Variants in RASSF3 observed in about 807,000 individuals in gnomAD.
RASSF3 encodes the protein Ras association domain family member 3.
A neutral mutation model predicts 19.9 loss-of-function variants in RASSF3; 19 were observed. The ratio of observed to expected loss-of-function variants is 0.96; its 90% confidence interval spans 0.67 to 1.40. The LOEUF is 1.40. Ranked by LOEUF, RASSF3 falls within the 40% of genes most tolerant of loss-of-function variation. The pLI is 0.00. For synonymous variants in RASSF3, 110 were observed against 104.2 expected (o/e 1.06, Z -0.34); for missense variants, 306 against 289.8 (o/e 1.06, Z -0.41).
chr12:64,573,089 G>A (rs918830661), intron 2 of RASSF3, among the ~76,000 whole-genome samples: 7 of 152,152 alleles, frequency 4.6e-5, no homozygotes, highest in African/African-American at 1.7e-4. Context: ...ATGGTGGCTC[G>A]TGCCTGTAAT....
intron 1 of RASSF3, among the ~76,000 whole-genome samples, chr12:64,629,516 T>C (rs1871100829): frequency 6.6e-6 from 1 of 152,218 alleles, no homozygotes; most frequent in African/African-American, 2.4e-5. Context: ...CTCCTGCCCT[T>C]TTCATTAAAC....
intron 2 of RASSF3, among the ~76,000 whole-genome samples, chr12:64,565,271 T>C (rs2136127396): frequency 6.6e-6 from 1 of 151,948 alleles, no homozygotes; most frequent in African/African-American, 2.4e-5. Context: ...CACCAATTAC[T>C]GATACCTAAA....
At chr12:64,614,656 G>A (rs927325026) in intron 1 of RASSF3, among the ~76,000 whole-genome samples, 4 of 151,246 alleles carry the variant, frequency 2.6e-5, no homozygotes, top group Non-Finnish European at 4.4e-5. Flanking sequence ...TTGCAAATAA[G>A]GACACCTAAA....
intron 2 of RASSF3, among the ~76,000 whole-genome samples, chr12:64,580,952 A>T (rs1201936643): frequency 1.3e-5 from 2 of 152,084 alleles, no homozygotes; most frequent in Non-Finnish European, 2.9e-5. Flanking sequence ...TTAAGACTTC[A>T]TATCTTTTGG....
upstream of RASSF3, among the ~76,000 whole-genome samples, chr12:64,605,852 C>T (rs60878922): frequency 1.0e-2 from 1,417 of 142,056 alleles, 31 homozygotes; most frequent in African/African-American, 0.036. Context: ...TGCACCATTG[C>T]ACTCCAGCCT....
chr12:64,551,575 C>G (rs546558266), intron 2 of RASSF3, among the ~76,000 whole-genome samples: 1 of 151,976 alleles, frequency 6.6e-6, no homozygotes, highest in African/African-American at 2.4e-5. Flanking sequence ...GACCCTGTCT[C>G]AAAAATAATA....
chr12:64,674,798 AAGTGGTGCTCTT>A (rs1872822698), intron 1 of RASSF3, among the ~76,000 whole-genome samples: 3 of 152,000 alleles, frequency 2.0e-5, no homozygotes, highest in African/African-American at 7.3e-5. Context: ...GATGGGGTGC[AAGTGGTGCTCTT>A]AGCTTGTGCT....
intron 1 of RASSF3, among the ~76,000 whole-genome samples, chr12:64,648,774 C>G (rs975678643): frequency 1.3e-5 from 2 of 150,616 alleles, no homozygotes; most frequent in African/African-American, 2.5e-5. Flanking sequence ...AGCCACCAAG[C>G]CCGGCCAAGC....
chr12:64,566,303 G>A (rs1050588208), intron 2 of RASSF3, among the ~76,000 whole-genome samples: 4 of 152,178 alleles, frequency 2.6e-5, no homozygotes, highest in African/African-American at 7.2e-5. Flanking sequence ...ATTCACCAAG[G>A]AATGCAAACC....
At chr12:64,577,914 G>A (rs1592406294) in intron 2 of RASSF3, among the ~76,000 whole-genome samples, 1 of 151,632 alleles carries the variant, frequency 6.6e-6, no homozygotes, top group East Asian at 1.9e-4. Flanking sequence ...TTACAGTAGG[G>A]TAATGATAAA....
chr12:64,650,663 C>T (rs966509500), intron 1 of RASSF3, among the ~76,000 whole-genome samples: 5 of 152,038 alleles, frequency 3.3e-5, no homozygotes, highest in Non-Finnish European at 4.4e-5. Context: ...GATCTGCCCG[C>T]CTTGGACTTC....
At chr12:64,631,757 A>G (rs1340818479) in intron 1 of RASSF3, among the ~76,000 whole-genome samples, 7 of 151,896 alleles carry the variant, frequency 4.6e-5, no homozygotes, top group African/African-American at 1.7e-4. Flanking sequence ...TTTAGTAGAG[A>G]TGGAGTTTTG....
chr12:64,519,262 C>T (rs1433112662), intron 1 of RASSF3, among the ~76,000 whole-genome samples: 1 of 152,056 alleles, frequency 6.6e-6, no homozygotes, highest in Non-Finnish European at 1.5e-5. Context: ...TAGCTGGGCA[C>T]GGTGGTGCAC....
intron 1 of RASSF3, among the ~76,000 whole-genome samples, chr12:64,538,658 A>AC (rs1488684984): frequency 6.6e-6 from 1 of 152,132 alleles, no homozygotes; most frequent in Non-Finnish European, 1.5e-5. Context: ...CACAAAAAAA[A>AC]ACACAAATAA....
At chr12:64,628,723 G>T (rs1485802219) in intron 1 of RASSF3, among the ~76,000 whole-genome samples, 9 of 151,928 alleles carry the variant, frequency 5.9e-5, no homozygotes, top group Non-Finnish European at 1.3e-4. Flanking sequence ...TCTTGAACTC[G>T]TGACCTAAGG....
At chr12:64,562,124 T>G (rs1275007330) in intron 2 of RASSF3, among the ~76,000 whole-genome samples, 1 of 152,102 alleles carries the variant, frequency 6.6e-6, no homozygotes, top group East Asian at 1.9e-4. Flanking sequence ...CACTGCAACC[T>G]CTGCCTCCCT....
upstream of RASSF3, among the ~76,000 whole-genome samples, chr12:64,605,883 G>A (rs1435674720): frequency 5.2e-5 from 5 of 96,804 alleles, no homozygotes; most frequent in South Asian, 1.4e-3. Context: ...GCGAAACTCC[G>A]TCTCAAAAAA....
chr12:64,571,319 C>A (rs73128251), intron 2 of RASSF3, among the ~76,000 whole-genome samples: 7 of 152,150 alleles, frequency 4.6e-5, no homozygotes, highest in African/African-American at 1.7e-4. Context: ...CCAGGCCCTG[C>A]GATCCTTAGA....
At chr12:64,509,429 G>A (rs1289456764) in intron 1 of RASSF3, among the ~76,000 whole-genome samples, 1 of 152,076 alleles carries the variant, frequency 6.6e-6, no homozygotes, top group Non-Finnish European at 1.5e-5. Flanking sequence ...CAGCCTGGGC[G>A]ACAGAGCAAG....
Sources: gnomAD v4.1 joint callset for allele counts (sites outside exome capture counted in the v4.1 genomes callset) on GRCh38, gnomAD v4.1.1 for gene constraint, MANE v1.5 for transcripts, NCBI Gene and HGNC (gene_info 2026-07-23, HGNC 2026-07-21) for gene names.